The following CCDC39 variants were observed in gnomAD, a reference collection of about 807,000 sequenced individuals.
CCDC39 encodes the protein coiled-coil domain 39 molecular ruler complex subunit.
A neutral mutation model predicts 121.0 loss-of-function variants in CCDC39; 113 were observed. The ratio of observed to expected loss-of-function variants is 0.93; its 90% CI spans 0.80 to 1.09. The LOEUF (loss-of-function observed/expected upper bound fraction) is 1.09, where lower values mean the gene tolerates loss of function less well. Among genes scored for constraint, CCDC39 ranks in the 50% least tolerant of loss-of-function variants. The probability of loss-of-function intolerance (pLI) is 0.00; values close to 1 mark genes in which losing one functional copy is unlikely to be tolerated. For missense variants in CCDC39, 1,063 were observed against 1,074.7 expected (o/e 0.99, Z 0.15); for synonymous variants, 349 against 352.2 (o/e 0.99, Z 0.10).
intron 1 of CCDC39, among the ~76,000 whole-genome samples, chr3:180,675,320 G>A (rs575307307): frequency 1.6e-4 from 24 of 152,188 alleles, no homozygotes; most frequent in Admixed American, 3.3e-4. Context: ...TGGGATCGGT[G>A]GTGATATCCT....
Position 180,642,151 on chromosome 3 carries a change from T to C in CCDC39, c.1716A>G (p.Arg572=), listed in dbSNP as rs375290163. 8 of 1,611,610 alleles carry C rather than the reference T, an allele frequency of 5.0e-6. No individual in the cohort carries two copies. Among genetic ancestry groups the C allele is most frequent in the East Asian group, 4.5e-5 (2 of 44,812 alleles). The change falls in exon 13 of 20, where the codon CGA becomes CGG. Residue 572 remains arginine (R), a synonymous_variant. Transcript: ENST00000476379. Reference sequence around the variant, plus strand: ...CTTCTGCCTTACTGTGAAGCATTTCTCGAGTACGCTTAACTTCAAGTTTTA... The same window carrying C: ...CTTCTGCCTTACTGTGAAGCATTTCCCGAGTACGCTTAACTTCAAGTTTTA... ...NLLKLEVKRT[R]EMLHSKAEEV... is the part of the protein sequence containing the mutation.
At position 180,661,931 on chromosome 3, in the gene CCDC39, C is replaced by T. The variant is rs564200203; in HGVS notation, c.287G>A (p.Arg96Gln). The change falls in exon 3 of 20, where the codon CGA (arginine) becomes CAA (glutamine). Residue 96 changes from arginine (R) to glutamine (Q), a missense_variant. Transcript: ENST00000476379. Reference protein sequence around the residue: ...FKAIAQRELGRVKDEIQRLEN... With the variant: ...FKAIAQRELGQVKDEIQRLEN... ...CAGCCGTTGAATTTCATCTTTCACT[C>T]GTCCCAATTCTCTTTGAGCAATGGC... The T allele has an allele frequency of 2.0e-5, 32 of 1,578,136 alleles. No individual in the cohort carries two copies. The highest frequency in any genetic ancestry group is 2.3e-5 in the South Asian group (2 of 86,346).
At chr3:180,617,116 G>A (rs539807899) in intron 16 of CCDC39, 150 bp from the exon 17 acceptor site, 3 of 562,140 alleles carry the variant, frequency 5.3e-6, no homozygotes, top group East Asian at 5.9e-5. Context: ...TGACATCTCG[G>A]TCAATGATGG....
intron 12 of CCDC39, among the ~76,000 whole-genome samples, chr3:180,643,227 G>A (rs1346392032): frequency 6.6e-6 from 1 of 151,986 alleles, no homozygotes; most frequent in East Asian, 1.9e-4. Flanking sequence ...CCAAAGTGCT[G>A]GGATTACAGG....
intron 14 of CCDC39, among the ~76,000 whole-genome samples, chr3:180,629,025 A>G (rs1421014394): frequency 6.6e-6 from 1 of 152,244 alleles, no homozygotes; most frequent in Non-Finnish European, 1.5e-5. Context: ...TGAAAAAACA[A>G]AACTTAACTT....
intron 8 of CCDC39, 127 bp downstream of exon 8, chr3:180,652,035 TC>T (rs1711501253): frequency 3.6e-6 from 2 of 557,064 alleles, no homozygotes; most frequent in African/African-American, 2.1e-5. Context: ...AGACTCCCTC[TC>T]AAAAAAAAAA....
intron 2 of CCDC39, among the ~76,000 whole-genome samples, chr3:180,662,349 GA>G (rs1711761802): frequency 6.6e-6 from 1 of 152,016 alleles, no homozygotes; most frequent in African/African-American, 2.4e-5. Context: ...AAAAACAGTT[GA>G]GAAATGACAT....
chr3:180,622,956 C>T (rs1307110343), intron 14 of CCDC39, among the ~76,000 whole-genome samples: 3 of 151,578 alleles, frequency 2.0e-5, no homozygotes, highest in Non-Finnish European at 2.9e-5. Flanking sequence ...GGGAGCATTC[C>T]CTCCTCCTCA....
intron 1 of CCDC39, among the ~76,000 whole-genome samples, chr3:180,666,580 T>G (rs1467058490): frequency 6.6e-6 from 1 of 152,198 alleles, no homozygotes; most frequent in African/African-American, 2.4e-5. Flanking sequence ...CTTTATGACT[T>G]TTATTTGCTT....
intron 13 of CCDC39, 67 bp downstream of exon 13, chr3:180,641,926 G>A (rs1173270145): frequency 1.2e-5 from 13 of 1,121,400 alleles, no homozygotes; most frequent in South Asian, 1.8e-5. Context: ...TGTTAGAGGG[G>A]GCAGCTAGTT....
Position 180,659,741 on chromosome 3 carries a change from G to C in CCDC39, c.545C>G (p.Thr182Ser), listed in dbSNP as rs112738198. ...CTTTCTTTTCTGATTACATTCCAAA[G>C]TTAGTCTTTCTAATTGCAGAGTCAG... ...RALTLQLERLTLECNQKRKIL... is the reference protein window; with the variant it reads ...RALTLQLERLSLECNQKRKIL... Residue 182 changes from threonine to serine, a missense_variant, in exon 5 of 20, where the codon ACT (threonine) becomes AGT (serine). By Grantham distance (58) the Thr-to-Ser change is moderately conservative. Coordinates refer to ENST00000476379, the MANE Select transcript of CCDC39 (RefSeq NM_181426.2). 0.032 allele frequency: 51,214 copies of C among 1,610,888 alleles called. 971 individuals carry two copies. Among genetic ancestry groups the C allele is most frequent in the Non-Finnish European group, 0.038 (45,298 of 1,178,002 alleles).
At chr3:180,615,189 T>G in intron 19 of CCDC39, 112 bp from the exon 20 acceptor site, 1 of 717,230 alleles carries the variant, frequency 1.4e-6, no homozygotes, top group Non-Finnish European at 2.2e-6. Context: ...ATCAAAAAAG[T>G]ACATATTAAT....
At chr3:180,621,781 A>G (rs1437102280) in intron 14 of CCDC39, among the ~76,000 whole-genome samples, 1 of 151,990 alleles carries the variant, frequency 6.6e-6, no homozygotes, top group East Asian at 1.9e-4. Flanking sequence ...TGTACCATTG[A>G]TCTTTGTGTC....
intron 13 of CCDC39, among the ~76,000 whole-genome samples, chr3:180,631,819 TTTTAA>T (rs1189569936): frequency 5.9e-5 from 9 of 152,222 alleles, no homozygotes; most frequent in Non-Finnish European, 1.5e-5. Flanking sequence ...TGTTCTCACG[TTTTAA>T]TTTAATAATT....
chr3:180,628,273 C>T (rs1021032220), intron 14 of CCDC39, among the ~76,000 whole-genome samples: 2 of 152,072 alleles, frequency 1.3e-5, no homozygotes, highest in Non-Finnish European at 2.9e-5. Context: ...TGCAGTGGTG[C>T]AATCTTGGCT....
Position 180,652,241 on chromosome 3 carries a change from T to G in CCDC39, c.956A>C (p.Asn319Thr). The part of the protein sequence containing the change: ...GELDSLKATV[N>T]RTSSDLEALR... Reference sequence around the variant, plus strand: ...AGCTTCTAAATCACTGGAAGTTCTATTCACAGTGGCTTTTAAAGAATCCAG... The same window carrying G: ...AGCTTCTAAATCACTGGAAGTTCTAGTCACAGTGGCTTTTAAAGAATCCAG... Residue 319 changes from asparagine (N) to threonine (T), a missense_variant, in exon 8 of 20, where the codon AAT becomes ACT. By Grantham distance (65) the Asn-to-Thr change is moderately conservative. Coordinates refer to ENST00000476379, the MANE Select transcript of CCDC39 (RefSeq NM_181426.2). 1 of 1,531,862 alleles carries G rather than the reference T, an allele frequency of 6.5e-7. No individual in the cohort carries two copies. Among genetic ancestry groups the G allele is most frequent in the Non-Finnish European group, 8.8e-7 (1 of 1,138,638 alleles). The allele number at this position is 1,531,862 out of a possible 1,614,324, so 94.9% of individuals were successfully genotyped here. A position where few individuals can be genotyped will look rare whatever the true frequency, so the allele number is the denominator to read the frequency against.
Position 180,647,121 on chromosome 3 carries a change from T to G in CCDC39, c.1485A>C (p.Lys495Asn). ...GTGTTTCCAAAAGGCCACATGTAGATTTTTTCTCTTCCAAAGACTTCCTAA... is the reference window on the plus strand; with the variant it reads ...GTGTTTCCAAAAGGCCACATGTAGAGTTTTTCTCTTCCAAAGACTTCCTAA... The part of the protein sequence containing the change: ...VELRKSLEEK[K>N]STCGLLETQI... Residue 495 changes from lysine to asparagine, a missense_variant, in exon 11 of 20, where the codon AAA becomes AAC. Lys to Asn is a moderately conservative substitution (Grantham distance 94, BLOSUM62 0). Coordinates refer to ENST00000476379, the MANE Select transcript of CCDC39 (RefSeq NM_181426.2). The G allele has an allele frequency of 1.2e-6, 2 of 1,609,566 alleles. No homozygotes were observed. The highest frequency in any genetic ancestry group is 1.7e-6 in the Non-Finnish European group (2 of 1,178,516).
At chr3:180,616,093 T>G (rs1178194987) in intron 19 of CCDC39, among the ~76,000 whole-genome samples, 188 bp downstream of exon 19, 1 of 152,164 alleles carries the variant, frequency 6.6e-6, no homozygotes, top group South Asian at 2.1e-4. Context: ...AGAAGGAAAT[T>G]CTTGTTCTGC....
At position 180,641,414 on chromosome 3, in the gene CCDC39, T is replaced by G. The variant is rs115551824; in HGVS notation, c.1874+579A>C. Among the ~76,000 whole-genome samples the G allele has an allele frequency of 3.3e-3, 503 of 152,124 alleles. 6 individuals carry two copies. The highest frequency in any genetic ancestry group is 0.012 in the African/African-American group (480 of 41,534). On this transcript the variant is annotated intron_variant, in intron 13 of 19. Coordinates refer to ENST00000476379, the MANE Select transcript of CCDC39 (RefSeq NM_181426.2). Reference sequence around the variant, plus strand: ...TCAACACTGCTCTTCAGTATTGAACTGGGGAAAAAAGAAAAGTTATAAAGA... The same window carrying G: ...TCAACACTGCTCTTCAGTATTGAACGGGGGAAAAAAGAAAAGTTATAAAGA...
Sources: gnomAD v4.1 joint callset for allele counts (sites outside exome capture counted in the v4.1 genomes callset) on GRCh38, gnomAD v4.1.1 for gene constraint, MANE v1.5 for transcripts, NCBI Gene and HGNC (gene_info 2026-07-23, HGNC 2026-07-21) for gene names.